The following CRK variants were observed in gnomAD, a reference collection of about 807,000 sequenced individuals.
CRK encodes the protein CRK proto-oncogene, adaptor protein, also known as adapter molecule crk.
CRK carries 4 observed loss-of-function variants against 29.8 expected under a neutral mutation model. That is an observed-to-expected ratio of 0.13 (90% CI 0.07 to 0.31). The LOEUF (loss-of-function observed/expected upper bound fraction) is 0.31, where lower values mean the gene tolerates loss of function less well. Among genes scored for constraint, CRK ranks in the 10% least tolerant of loss-of-function variants. CRK has a pLI of 1.00. For synonymous variants in CRK, 153 were observed against 164.9 expected (o/e 0.93, Z 0.55); for missense variants, 274 against 396.5 (o/e 0.69, Z 2.62).
intron 2 of CRK, among the ~76,000 whole-genome samples, chr17:1,429,392 G>A (rs2073815332): frequency 6.6e-6 from 1 of 151,886 alleles, no homozygotes; most frequent in African/African-American, 2.4e-5. Context: ...TTGTGCCTTA[G>A]GCTCCCAAGG....
chr17:1,443,390 T>G (rs1391752162), intron 1 of CRK, among the ~76,000 whole-genome samples: 1 of 151,878 alleles, frequency 6.6e-6, no homozygotes. Flanking sequence ...TTGTATTTTT[T>G]ATTTTTACTT....
rs1203063481 is a variant in CRK at position 1,421,507 on chromosome 17, C to T, written c.*2006G>A. 6.6e-6 allele frequency: 1 copy of T among 152,220 alleles called. No homozygotes were observed. Among genetic ancestry groups the T allele is most frequent in the Non-Finnish European group, 1.5e-5 (1 of 68,040 alleles). The allele number at this position is 152,220 out of a possible 1,614,324, so 9.4% of individuals were successfully genotyped here. On this transcript the variant is annotated 3_prime_UTR_variant, in exon 3 of 3. Coordinates refer to ENST00000300574, the MANE Select transcript of CRK (RefSeq NM_016823.4). Reference sequence around the variant, plus strand: ...ATGAGCACCCACTCTGTGCATAGCACTGGGCTACCATTTTACAAGTTGAGT... The same window carrying T: ...ATGAGCACCCACTCTGTGCATAGCATTGGGCTACCATTTTACAAGTTGAGT...
intron 2 of CRK, among the ~76,000 whole-genome samples, chr17:1,427,587 A>C (rs1035283380): frequency 2.6e-5 from 4 of 151,304 alleles, no homozygotes; most frequent in Non-Finnish European, 4.4e-5. Context: ...AGCGAGACTC[A>C]GTCTCAAATA....
chr17:1,456,222 G>C lies in CRK; in HGVS notation c.-105C>G, dbSNP rs981835278. On this transcript the variant is annotated 5_prime_UTR_variant, in exon 1 of 3. Transcript: ENST00000300574. ...CGGCTCCGGTTTCAGCTTCACAGCA[G>C]CGCCCGAAATGGCGGCGGCAGCCGC... 7.7e-7 allele frequency: 1 copy of C among 1,297,544 alleles called. No homozygotes were observed. The highest frequency in any genetic ancestry group is 1.6e-5 in the African/African-American group (1 of 63,968). The allele number at this position is 1,297,544 out of a possible 1,614,324, so 80.4% of individuals were successfully genotyped here. A position where few individuals can be genotyped will look rare whatever the true frequency, so the allele number is the denominator to read the frequency against.
intron 1 of CRK, among the ~76,000 whole-genome samples, chr17:1,440,379 C>T (rs997602647): frequency 6.6e-6 from 1 of 151,556 alleles, no homozygotes; most frequent in Admixed American, 6.6e-5. Context: ...TGAGAGATCG[C>T]TTGAGCCTAG....
chr17:1,455,792 G>C, intron 1 of CRK, 85 bp downstream of exon 1: 1 of 1,391,320 alleles, frequency 7.2e-7, no homozygotes, highest in South Asian at 1.6e-5. Context: ...ACCCCCGAGG[G>C]TCCGCTCTCG....
At chr17:1,425,248 C>G (rs1220188476) in intron 2 of CRK, among the ~76,000 whole-genome samples, 1 of 151,748 alleles carries the variant, frequency 6.6e-6, no homozygotes. Context: ...CGCCACCACG[C>G]CCAGCTAATT....
At chr17:1,437,611 C>T (rs988307492) in intron 1 of CRK, among the ~76,000 whole-genome samples, 5 of 151,762 alleles carry the variant, frequency 3.3e-5, no homozygotes, top group East Asian at 1.9e-4. Flanking sequence ...TATGTTCTGT[C>T]GCTACCCCAT....
rs2073747606 is a variant in CRK at position 1,423,496 on chromosome 17, A to G, written c.*17T>C. The stretch of plus-strand genomic sequence containing the variant: ...AAAAGATTGTTCCCATCTGTCAGCA[A>G]AACTGTTGAACTATACTCAGCTGAA... On this transcript the variant is annotated 3_prime_UTR_variant, in exon 3 of 3. Coordinates refer to ENST00000300574, the MANE Select transcript of CRK (RefSeq NM_016823.4). 6.3e-7 allele frequency: 1 copy of G among 1,591,734 alleles called. No homozygotes were observed. Among genetic ancestry groups the G allele is most frequent in the African/African-American group, 1.4e-5 (1 of 73,840 alleles).
intron 1 of CRK, among the ~76,000 whole-genome samples, chr17:1,443,405 A>G (rs537843194): frequency 2.0e-5 from 3 of 151,284 alleles, no homozygotes; most frequent in South Asian, 4.2e-4. Flanking sequence ...TTACTTTATT[A>G]TCATTTTTTT....
At position 1,437,136 on chromosome 17, in the gene CRK, G is replaced by C. The variant is rs201254340; in HGVS notation, c.261C>G (p.Leu87=). The C allele has an allele frequency of 1.2e-6, 2 of 1,609,092 alleles. No individual in the cohort carries two copies. Among genetic ancestry groups the C allele is most frequent in the Non-Finnish European group, 1.7e-6 (2 of 1,176,490 alleles). ...QPPPGVSPSR[L]RIGDQEFDSL... is the part of the protein sequence containing the mutation. ...AATCAAACTCTTGATCTCCTATTCGGAGTCTGGAGGGGCTCACCCCTGGAA... is the reference window on the plus strand; with the variant it reads ...AATCAAACTCTTGATCTCCTATTCGCAGTCTGGAGGGGCTCACCCCTGGAA... The change falls in exon 2 of 3, where the codon CTC becomes CTG. Residue 87 remains leucine, a synonymous_variant. Transcript: ENST00000300574.
At position 1,421,037 on chromosome 17, in the gene CRK, T is replaced by C. The variant is rs563515128; in HGVS notation, c.*2476A>G. 2.0e-5 allele frequency: 3 copies of C among 152,202 alleles called. No homozygotes were observed. Among genetic ancestry groups the C allele is most frequent in the South Asian group, 4.1e-4 (2 of 4,836 alleles). 9.4% of individuals were successfully genotyped at this position (152,202 alleles called of 1,614,324 possible). On this transcript the variant is annotated 3_prime_UTR_variant, in exon 3 of 3. Coordinates refer to ENST00000300574, the MANE Select transcript of CRK (RefSeq NM_016823.4). The stretch of plus-strand genomic sequence containing the variant: ...TTTGCAGAAATGATTATATAAAATA[T>C]AGCAGCCAATTTCAGTTTACTTTGC...
At chr17:1,449,327 A>G (rs2074000800) in intron 1 of CRK, among the ~76,000 whole-genome samples, 1 of 152,186 alleles carries the variant, frequency 6.6e-6, no homozygotes, top group South Asian at 2.1e-4. Flanking sequence ...CCACAGCATG[A>G]ATTCCACAGC....
At chr17:1,445,145 CAAA>C (rs35590167) in intron 1 of CRK, among the ~76,000 whole-genome samples, 241 of 140,544 alleles carry the variant, frequency 1.7e-3, no homozygotes, top group South Asian at 3.8e-3. Flanking sequence ...GAGACACCGT[CAAA>C]AAAAAAAAAA....
intron 2 of CRK, among the ~76,000 whole-genome samples, chr17:1,431,840 A>C (rs1189825766): frequency 1.3e-5 from 2 of 152,216 alleles, no homozygotes; most frequent in Non-Finnish European, 2.9e-5. Flanking sequence ...TTGCCCCAGA[A>C]CTGTTACAAT....
chr17:1,439,165 G>A (rs528363481), intron 1 of CRK, among the ~76,000 whole-genome samples: 6 of 151,848 alleles, frequency 4.0e-5, no homozygotes, highest in Non-Finnish European at 5.9e-5. Context: ...GCACAATCTC[G>A]ACTCAGTGCA....
At chr17:1,445,736 T>C (rs1446733074) in intron 1 of CRK, among the ~76,000 whole-genome samples, 2 of 152,164 alleles carry the variant, frequency 1.3e-5, no homozygotes, top group Non-Finnish European at 2.9e-5. Context: ...TACTTAGCAC[T>C]GCCTGGTCAA....
chr17:1,444,481 C>T (rs184522935), intron 1 of CRK, among the ~76,000 whole-genome samples: 162 of 151,758 alleles, frequency 1.1e-3, no homozygotes, highest in African/African-American at 3.4e-3. Flanking sequence ...GTCAAGACTG[C>T]GCCACTGCCC....
chr17:1,452,548 G>A (rs1428585819), intron 1 of CRK, among the ~76,000 whole-genome samples: 2 of 152,116 alleles, frequency 1.3e-5, no homozygotes, highest in Admixed American at 1.3e-4. Flanking sequence ...AGCACTTTGG[G>A]AGGCCGAGGT....
Sources: allele counts gnomAD v4.1 joint callset (sites outside exome capture counted in the v4.1 genomes callset), GRCh38; gene constraint gnomAD v4.1.1; transcripts MANE v1.5; gene names NCBI Gene and HGNC (gene_info 2026-07-23, HGNC 2026-07-21).